The following ABCA13 variants were observed in gnomAD, a reference collection of about 807,000 sequenced individuals.
The protein encoded by ABCA13 is ATP-binding cassette sub-family A member 13.
A neutral mutation model predicts 478.7 loss-of-function variants in ABCA13; 476 were observed. The observed-to-expected ratio is 0.99, with a 90% CI of 0.92 to 1.07. The LOEUF is 1.07. Ranked by LOEUF, ABCA13 falls within the 50% of genes least tolerant of loss-of-function variation. The probability of loss-of-function intolerance (pLI) is 0.00; values close to 1 mark genes in which losing one functional copy is unlikely to be tolerated. For missense variants in ABCA13, 6,060 were observed against 5,910.6 expected, an observed-to-expected ratio of 1.03 and a Z score of -0.83; for synonymous variants, 2,252 against 2,158.9, an observed-to-expected ratio of 1.04 and a Z score of -1.20.
intron 55 of ABCA13, among the ~76,000 whole-genome samples, chr7:48,548,569 A>G (rs1254315513): frequency 6.7e-6 from 1 of 150,036 alleles, no homozygotes; most frequent in African/African-American, 2.4e-5. Context: ...TTTTGTCCAC[A>G]GATTGTTAAA....
At chr7:48,211,279 G>C (rs922413813) in intron 3 of ABCA13, among the ~76,000 whole-genome samples, 2 of 152,140 alleles carry the variant, frequency 1.3e-5, no homozygotes, top group African/African-American at 4.8e-5. Context: ...AATTCAAAGG[G>C]GAATAAATGT....
Position 48,202,405 on chromosome 7 carries a change from G to A in ABCA13, c.287+4045G>A, listed in dbSNP as rs112019418. 8.5e-3 allele frequency among the ~76,000 whole-genome samples: 1,295 copies of A among 152,250 alleles called. 15 individuals are homozygous for A. Among genetic ancestry groups the A allele is most frequent in the African/African-American group, 0.03 (1,229 of 41,540 alleles). Reference sequence around the variant, plus strand: ...CAGGAGAGGAGCTAGATACAGAAGTGTCAATTGGTGCACTCACAAACCCTG... The same window carrying A: ...CAGGAGAGGAGCTAGATACAGAAGTATCAATTGGTGCACTCACAAACCCTG... On this transcript the variant is annotated intron_variant, in intron 3 of 61. Transcript: ENST00000435803.
intron 27 of ABCA13, among the ~76,000 whole-genome samples, chr7:48,327,892 T>G (rs1421338604): frequency 1.3e-5 from 2 of 152,206 alleles, no homozygotes; most frequent in African/African-American, 2.4e-5. Context: ...GTAATACAGT[T>G]TAAAGATATT....
At chr7:48,562,091 A>G (rs1445322932) in intron 55 of ABCA13, among the ~76,000 whole-genome samples, 2 of 140,770 alleles carry the variant, frequency 1.4e-5, no homozygotes, top group African/African-American at 5.8e-5. Flanking sequence ...TTCAGAGGAC[A>G]TATGCATATG....
At chr7:48,332,464 T>G (rs1478127777) in intron 27 of ABCA13, among the ~76,000 whole-genome samples, 1 of 152,220 alleles carries the variant, frequency 6.6e-6, no homozygotes, top group Non-Finnish European at 1.5e-5. Context: ...CTTTACCTTC[T>G]CTGCTTTTAA....
At chr7:48,470,743 G>A (rs1158818448) in intron 44 of ABCA13, among the ~76,000 whole-genome samples, 2 of 152,194 alleles carry the variant, frequency 1.3e-5, no homozygotes, top group Non-Finnish European at 2.9e-5. Context: ...CACACACTTT[G>A]CATAGAGCTG....
chr7:48,328,728 A>AT (rs533863355), intron 27 of ABCA13, among the ~76,000 whole-genome samples: 6 of 151,424 alleles, frequency 4.0e-5, no homozygotes, highest in Non-Finnish European at 8.8e-5. Flanking sequence ...TTATAAACAT[A>AT]TAGTTCAAAA....
At chr7:48,491,382 C>A (rs1169787421) in intron 48 of ABCA13, among the ~76,000 whole-genome samples, 1 of 152,110 alleles carries the variant, frequency 6.6e-6, no homozygotes, top group African/African-American at 2.4e-5. Flanking sequence ...GGTTCTGTAG[C>A]CCTTGAGGTA....
At position 48,279,736 on chromosome 7, in the gene ABCA13, C is replaced by T. The variant is rs936195456; in HGVS notation, c.8542C>T (p.Leu2848Phe). The change falls in exon 18 of 62, where the codon CTT becomes TTT. Residue 2848 changes from leucine to phenylalanine, a missense_variant. Physicochemically the swap from Leu to Phe is conservative, Grantham distance 22. Transcript: ENST00000435803. ...ITSTRTLFQP[L>F]FEIFIKATTG... ...TTCCACAAGAACTTTGTTTCAGCCACTTTTTGAGATTTTCATTAAAGCAAC... is the reference window on the plus strand; with the variant it reads ...TTCCACAAGAACTTTGTTTCAGCCATTTTTTGAGATTTTCATTAAAGCAAC... 14 of 1,613,072 alleles carry T rather than the reference C, an allele frequency of 8.7e-6. No homozygotes were observed. The African/African-American group carries it at 1.2e-4, about 14-fold the overall frequency.
intron 31 of ABCA13, 37 bp downstream of exon 31, chr7:48,352,524 AG>A (rs775638195): frequency 1.3e-6 from 2 of 1,525,782 alleles, no homozygotes; most frequent in South Asian, 1.3e-5. Context: ...GACAGTGAGA[AG>A]GGCCTTGCAT....
At chr7:48,193,370 T>C (rs2128896551) in intron 2 of ABCA13, among the ~76,000 whole-genome samples, 1 of 152,288 alleles carries the variant, frequency 6.6e-6, no homozygotes. Context: ...GGAGATGCAT[T>C]TCATAGTTTA....
intron 42 of ABCA13, among the ~76,000 whole-genome samples, chr7:48,443,623 T>G (rs1823913398): frequency 6.6e-6 from 1 of 152,196 alleles, no homozygotes; most frequent in Non-Finnish European, 1.5e-5. Flanking sequence ...TTTTTATCAT[T>G]TGGAGTCTGC....
chr7:48,402,068 C>T (rs1402489935), intron 38 of ABCA13, among the ~76,000 whole-genome samples: 1 of 152,144 alleles, frequency 6.6e-6, no homozygotes, highest in African/African-American at 2.4e-5. Flanking sequence ...GGGCCAGAAG[C>T]GTTCCTGAAG....
rs1027257451 is a variant in ABCA13 at position 48,645,752 on chromosome 7, C to T, written c.*240C>T. On this transcript the variant is annotated 3_prime_UTR_variant, in exon 62 of 62. Coordinates refer to ENST00000435803, the MANE Select transcript of ABCA13 (RefSeq NM_152701.5). ...CAAAACATTTGTTCTCTTTACCATG[C>T]CAGATGGACACCAGCTTCTTTGTGA... is the stretch of plus-strand genomic sequence containing the variant. 4 of 430,750 alleles carry T rather than the reference C, an allele frequency of 9.3e-6. No homozygotes were observed. The highest frequency in any genetic ancestry group is 9.9e-5 in the East Asian group (2 of 20,250). 26.7% of individuals were successfully genotyped at this position (430,750 alleles called of 1,614,324 possible). A position where few individuals can be genotyped will look rare whatever the true frequency, so the allele number is the denominator to read the frequency against.
At chr7:48,374,758 A>T (rs117162332) in intron 34 of ABCA13, among the ~76,000 whole-genome samples, 1 of 152,286 alleles carries the variant, frequency 6.6e-6, no homozygotes, top group East Asian at 1.9e-4. Flanking sequence ...CATCTGTTAG[A>T]TCAGGGGTCC....
chr7:48,410,571 G>A lies in ABCA13; in HGVS notation c.12122G>A (p.Ser4041Asn), dbSNP rs1449929151. The change falls in exon 40 of 62, where the codon AGT becomes AAT. Residue 4041 changes from serine (S) to asparagine (N), a missense_variant. Physicochemically the swap from Ser to Asn is conservative, Grantham distance 46. Transcript: ENST00000435803. Reference sequence around the variant, plus strand: ...CACCTGGATGAAGCTGAAGCGCTGAGTGACCGCGTGGCCGTCCTCCAGCAT... The same window carrying A: ...CACCTGGATGAAGCTGAAGCGCTGAATGACCGCGTGGCCGTCCTCCAGCAT... ...THHLDEAEAL[S>N]DRVAVLQHGR... 2 of 1,614,044 alleles carry A rather than the reference G, an allele frequency of 1.2e-6. No individual in the cohort carries two copies. Among genetic ancestry groups the A allele is most frequent in the Non-Finnish European group, 1.7e-6 (2 of 1,179,892 alleles).
intron 9 of ABCA13, among the ~76,000 whole-genome samples, chr7:48,239,929 A>G (rs1019007604): frequency 1.3e-5 from 2 of 152,170 alleles, no homozygotes; most frequent in African/African-American, 4.8e-5. Context: ...GGCCTGAGTG[A>G]TTAGATTGCT....
intron 15 of ABCA13, among the ~76,000 whole-genome samples, chr7:48,265,899 A>T (rs1472542931): frequency 6.6e-6 from 1 of 151,684 alleles, no homozygotes; most frequent in African/African-American, 2.4e-5. Context: ...ATAGGTTTTC[A>T]TAGATACTTT....
In ABCA13 at chr7:48,644,720, A is replaced by G. The variant is rs1795326023; in HGVS notation, c.15047A>G (p.Lys5016Arg). ...IENNKTFLNI[K>R]HYSINQTTLE... ...AACAATAAAACCTTCTTGAATATTA[A>G]GCATTATTCCATTAACCAAACCACT... The change falls in exon 61 of 62, where the codon AAG becomes AGG. Residue 5016 changes from lysine (K) to arginine (R), a missense_variant. Physicochemically the swap from Lys to Arg is conservative, Grantham distance 26. Around this residue, in one of 3 missense-constraint regions of ABCA13, gnomAD observed 1,627 missense variants for 1,571.0 expected, o/e 1.04. Coordinates refer to ENST00000435803, the MANE Select transcript of ABCA13 (RefSeq NM_152701.5). 4 of 1,605,854 alleles carry G rather than the reference A, an allele frequency of 2.5e-6. No homozygotes were observed. Among genetic ancestry groups the G allele is most frequent in the Non-Finnish European group, 3.4e-6 (4 of 1,177,830 alleles).
Sources: gnomAD v4.1 joint callset for allele counts (sites outside exome capture counted in the v4.1 genomes callset) on GRCh38, gnomAD v4.1.1 for gene constraint, gnomAD v4.1.1 regional missense constraint, MANE v1.5 for transcripts, NCBI Gene and HGNC (gene_info 2026-07-23, HGNC 2026-07-21) for gene names.